The following UCK2 variants were observed in gnomAD, a reference collection of about 807,000 sequenced individuals.
UCK2 encodes the protein cytidine monophosphokinase 2.
A neutral mutation model predicts 30.8 loss-of-function variants in UCK2; 6 were observed. The ratio of observed to expected loss-of-function variants is 0.19; its 90% CI spans 0.11 to 0.38. The LOEUF (loss-of-function observed/expected upper bound fraction) is 0.38. Among genes scored for constraint, UCK2 ranks in the 10% least tolerant of loss-of-function variants. UCK2 has a pLI of 1.00. For synonymous variants in UCK2, 125 were observed against 133.6 expected, an observed-to-expected ratio of 0.94 and a Z score of 0.45; for missense variants, 210 against 339.8, an observed-to-expected ratio of 0.62 and a Z score of 3.00.
At chr1:165,870,285 A>G in intron 1 of UCK2, among the ~76,000 whole-genome samples, 1 of 150,466 alleles carries the variant, frequency 6.6e-6, no homozygotes, top group Non-Finnish European at 1.5e-5. Flanking sequence ...GTGAATGAAG[A>G]TACTTTTGCT....
intron 4 of UCK2, chr1:165,902,772 G>GT (rs1379529716): frequency 6.1e-6 from 1 of 162,978 alleles, no homozygotes; most frequent in African/African-American, 2.4e-5. Context: ...CTGAACGCAG[G>GT]TAAGTGCATG....
intron 1 of UCK2, among the ~76,000 whole-genome samples, chr1:165,861,105 G>A (rs1465682975): frequency 6.6e-6 from 1 of 152,026 alleles, no homozygotes; most frequent in African/African-American, 2.4e-5. Context: ...CATAGTTAGT[G>A]CCTTTTATGG....
chr1:165,878,061 T>C (rs1191110639), intron 1 of UCK2, among the ~76,000 whole-genome samples: 2 of 152,168 alleles, frequency 1.3e-5, no homozygotes, highest in African/African-American at 4.8e-5. Flanking sequence ...AAATGTATGA[T>C]AACATGTTAT....
At chr1:165,836,404 C>A (rs1389201219) in intron 1 of UCK2, among the ~76,000 whole-genome samples, 1 of 152,108 alleles carries the variant, frequency 6.6e-6, no homozygotes. Flanking sequence ...CTTTAAGGAA[C>A]CCTGTTGACA....
chr1:165,882,229 C>T (rs1655517711), intron 1 of UCK2, among the ~76,000 whole-genome samples: 1 of 152,178 alleles, frequency 6.6e-6, no homozygotes, highest in African/African-American at 2.4e-5. Context: ...CCCTTTAAAA[C>T]TCACATGGAA....
chr1:165,883,216 T>C (rs1333262542), intron 1 of UCK2, among the ~76,000 whole-genome samples: 3 of 152,208 alleles, frequency 2.0e-5, no homozygotes, highest in Non-Finnish European at 4.4e-5. Context: ...AGGTGGCTGC[T>C]TGAGCTTCAG....
chr1:165,880,143 C>T lies in UCK2; in HGVS notation c.100-10061C>T, dbSNP rs192270500. ...GTGCGGCCTGCAATTTGGAAAGATT[C>T]GGCAGAGGATCCAACTGGCACATTG... is the stretch of plus-strand genomic sequence containing the variant. On this transcript the variant is annotated intron_variant, in intron 1 of 6. Coordinates refer to ENST00000367879, the MANE Select transcript of UCK2 (RefSeq NM_012474.5). Among the ~76,000 whole-genome samples, 8 of 152,306 alleles carry T rather than the reference C, an allele frequency of 5.3e-5. No individual in the cohort carries two copies. The East Asian group carries it at 9.6e-4, about 18-fold the overall frequency.
chr1:165,832,924 T>C (rs1654088212), intron 1 of UCK2, among the ~76,000 whole-genome samples: 1 of 152,096 alleles, frequency 6.6e-6, no homozygotes. Flanking sequence ...TTTTGAACTT[T>C]CTCCACAAGC....
chr1:165,827,797 G>T lies in UCK2; in HGVS notation c.-37G>T. On this transcript the variant is annotated 5_prime_UTR_variant, in exon 1 of 7. Coordinates refer to ENST00000367879, the MANE Select transcript of UCK2 (RefSeq NM_012474.5). ...GGGCGCGGGCGGGGAGCGTGCGTCCGTTCGCACAGGCAGCGGGAGGAGGGG... is the reference window on the plus strand; with the variant it reads ...GGGCGCGGGCGGGGAGCGTGCGTCCTTTCGCACAGGCAGCGGGAGGAGGGG... 1 of 1,363,186 alleles carries T rather than the reference G, an allele frequency of 7.3e-7. No individual in the cohort carries two copies. Among genetic ancestry groups the T allele is most frequent in the South Asian group, 1.9e-5 (1 of 54,036 alleles). 84.4% of individuals were successfully genotyped at this position (1,363,186 alleles called of 1,614,324 possible).
intron 1 of UCK2, among the ~76,000 whole-genome samples, chr1:165,888,215 C>G (rs936368025): frequency 2.6e-5 from 4 of 152,040 alleles, no homozygotes; most frequent in African/African-American, 9.7e-5. Flanking sequence ...GAAATAAATT[C>G]AATAGTAAAA....
At chr1:165,888,113 C>G (rs1655665597) in intron 1 of UCK2, among the ~76,000 whole-genome samples, 1 of 152,110 alleles carries the variant, frequency 6.6e-6, no homozygotes, top group Admixed American at 6.5e-5. Context: ...GCCAGTTTTC[C>G]TTACGCTCAG....
At chr1:165,846,648 C>T (rs370349078) in intron 1 of UCK2, among the ~76,000 whole-genome samples, 3 of 152,178 alleles carry the variant, frequency 2.0e-5, no homozygotes, top group East Asian at 3.8e-4. Context: ...TCACATTTCA[C>T]TGGGGAGAGT....
rs969288492 is a variant in UCK2, at chr1:165,908,415, CTTTTTTTTTTTTCTTTTCT to C, written c.*604_*622del. 1.5e-5 allele frequency: 2 copies of C among 129,484 alleles called. No individual in the cohort carries two copies. The highest frequency in any genetic ancestry group is 8.2e-5 in the Admixed American group (1 of 12,194). 8.0% of individuals were successfully genotyped at this position (129,484 alleles called of 1,614,324 possible). ...ATATGTCAATGAGAGATACTCTTGT[CTTTTTTTTTTTTCTTTTCT>C]TTTTTTTTTTTGAGTTGAAATTAGG... On this transcript the variant is annotated 3_prime_UTR_variant, in exon 7 of 7. Transcript: ENST00000367879.
intron 1 of UCK2, among the ~76,000 whole-genome samples, chr1:165,855,165 T>C (rs1654709509): frequency 2.0e-5 from 3 of 152,220 alleles, no homozygotes; most frequent in African/African-American, 7.2e-5. Flanking sequence ...TGGATGCTTA[T>C]AAAATAAATG....
intron 1 of UCK2, among the ~76,000 whole-genome samples, chr1:165,877,601 C>G (rs755449361): frequency 6.6e-6 from 1 of 152,154 alleles, no homozygotes; most frequent in African/African-American, 2.4e-5. Context: ...AGCAGTCATT[C>G]GTTTTTATTG....
intron 2 of UCK2, among the ~76,000 whole-genome samples, chr1:165,890,627 A>G (rs915378997): frequency 1.3e-5 from 2 of 152,172 alleles, no homozygotes. Flanking sequence ...GGGACTCAAG[A>G]TGGGCCAGAC....
intron 1 of UCK2, among the ~76,000 whole-genome samples, chr1:165,857,896 C>T (rs1412154378): frequency 6.6e-6 from 1 of 152,148 alleles, no homozygotes; most frequent in Non-Finnish European, 1.5e-5. Context: ...AGGTTAGATC[C>T]TCCCACCAGG....
In UCK2 at chr1:165,907,743, C is replaced by A. The variant is rs1398775736; in HGVS notation, c.706C>A (p.Arg236=). Residue 236 remains arginine, a synonymous_variant, in exon 7 of 7, where the codon CGG becomes AGG. Transcript: ENST00000367879. The stretch of plus-strand genomic sequence containing the variant: ...CATCCTGAATGGAGGGCCCTCCAAA[C>A]GGCAGACCAATGGCTGTCTCAACGG... ...QDILNGGPSK[R]QTNGCLNGYT... 6.2e-7 allele frequency: 1 copy of A among 1,614,060 alleles called. No individual in the cohort carries two copies. Among genetic ancestry groups the A allele is most frequent in the African/African-American group, 1.3e-5 (1 of 74,914 alleles).
chr1:165,866,835 C>T (rs547523666), intron 1 of UCK2, among the ~76,000 whole-genome samples: 16 of 152,252 alleles, frequency 1.1e-4, no homozygotes, highest in African/African-American at 3.9e-4. Flanking sequence ...TATTGTATGT[C>T]AGAATTGTCT....
Sources: gnomAD v4.1 joint callset for allele counts (sites outside exome capture counted in the v4.1 genomes callset) on GRCh38, gnomAD v4.1.1 for gene constraint, MANE v1.5 for transcripts, NCBI Gene and HGNC (gene_info 2026-07-23, HGNC 2026-07-21) for gene names.